PCNT: variants seen among roughly 807,000 people sequenced by gnomAD.
The protein encoded by PCNT is kendrin.
PCNT carries 319 observed loss-of-function variants against 380.4 expected under a neutral mutation model. The ratio of observed to expected loss-of-function variants is 0.84; its 90% confidence interval spans 0.77 to 0.92. PCNT has a LOEUF of 0.92. PCNT is among the 40% of genes least tolerant of loss of function. PCNT has a pLI of 0.00. For missense variants in PCNT, 4,400 were observed against 4,255.3 expected (o/e 1.03, Z -0.95); for synonymous variants, 1,845 against 1,735.2 (o/e 1.06, Z -1.57).
At position 46,381,743 on chromosome 21, in the gene PCNT, C is replaced by G; in HGVS notation, c.3215C>G (p.Thr1072Arg). 1.9e-6 allele frequency: 3 copies of G among 1,613,996 alleles called. No homozygotes were observed. The highest frequency in any genetic ancestry group is 4.5e-5 in the East Asian group (2 of 44,892). Residue 1072 changes from threonine to arginine, a missense_variant, in exon 16 of 47, where the codon ACA becomes AGA. Thr to Arg is a moderately conservative substitution (Grantham distance 71). Coordinates refer to ENST00000359568, the MANE Select transcript of PCNT (RefSeq NM_006031.6). ...KKTALHEKEE[T>R]LRLQSAQAQP... ...ACTGCTTTGCATGAAAAAGAGGAGACACTTCGGCTTCAGAGTGCACAGGCA... is the reference window on the plus strand; with the variant it reads ...ACTGCTTTGCATGAAAAAGAGGAGAGACTTCGGCTTCAGAGTGCACAGGCA...
chr21:46,385,828 A>G lies in PCNT; in HGVS notation c.3313-4A>G. Reference sequence around the variant, plus strand: ...ACGAAAGCTTTAACCATTTTTCTCGATAGCTGAAAGACCAGGTTTTATCCT... The same window carrying G: ...ACGAAAGCTTTAACCATTTTTCTCGGTAGCTGAAAGACCAGGTTTTATCCT... On this transcript the variant is annotated splice_polypyrimidine_tract_variant and splice_region_variant and intron_variant, in intron 16 of 46. Transcript: ENST00000359568. 1 of 1,614,230 alleles carries G rather than the reference A, an allele frequency of 6.2e-7. No homozygotes were observed. The highest frequency in any genetic ancestry group is 8.5e-7 in the Non-Finnish European group (1 of 1,180,032).
intron 3 of PCNT, among the ~76,000 whole-genome samples, chr21:46,338,913 T>A (rs910994142): frequency 1.3e-5 from 2 of 152,190 alleles, no homozygotes; most frequent in Non-Finnish European, 2.9e-5. Flanking sequence ...CCCGAGTACC[T>A]GGGATTACAG....
At position 46,428,391 on chromosome 21, in the gene PCNT, C is replaced by A. The variant is rs1019492273; in HGVS notation, c.7495-4C>A. The A allele has an allele frequency of 1.2e-6, 2 of 1,611,690 alleles. No homozygotes were observed. The highest frequency in any genetic ancestry group is 1.1e-5 in the South Asian group (1 of 90,796). On this transcript the variant is annotated splice_polypyrimidine_tract_variant and splice_region_variant and intron_variant, in intron 34 of 46. Coordinates refer to ENST00000359568, the MANE Select transcript of PCNT (RefSeq NM_006031.6). ...TCAGGCTGCTTGTCCCATTGTGCCC[C>A]CAGGGAGACCTGCAGGAAAAGTCCC...
At chr21:46,332,923 C>A (rs1438500215) in intron 2 of PCNT, among the ~76,000 whole-genome samples, 3 of 151,970 alleles carry the variant, frequency 2.0e-5, no homozygotes, top group Non-Finnish European at 2.9e-5. Context: ...AGCTTTGGAA[C>A]ATAATGAACA....
At chr21:46,398,315 C>A in intron 24 of PCNT, 60 bp downstream of exon 24, 1 of 1,508,196 alleles carries the variant, frequency 6.6e-7, no homozygotes, top group South Asian at 1.2e-5. Context: ...CCCCTGCGCT[C>A]GCTGGGACTG....
At chr21:46,387,020 G>A (rs1309991761) in intron 17 of PCNT, among the ~76,000 whole-genome samples, 1 of 152,204 alleles carries the variant, frequency 6.6e-6, no homozygotes, top group African/African-American at 2.4e-5. Flanking sequence ...AGGCCTCTGA[G>A]TCCTGCTGCT....
At chr21:46,439,842 C>T (rs1474820385) in intron 41 of PCNT, among the ~76,000 whole-genome samples, 2 of 152,180 alleles carry the variant, frequency 1.3e-5, no homozygotes, top group African/African-American at 4.8e-5. Flanking sequence ...ACCTTTTTTG[C>T]AATCATACTT....
At chr21:46,351,735 C>T (rs2084281267) in intron 9 of PCNT, among the ~76,000 whole-genome samples, 195 bp downstream of exon 9, 1 of 152,202 alleles carries the variant, frequency 6.6e-6, no homozygotes, top group South Asian at 2.1e-4. Flanking sequence ...TGGTTTTATG[C>T]TAAGCAAGTC....
At position 46,442,263 on chromosome 21, in the gene PCNT, T is replaced by G. The variant is rs551827924; in HGVS notation, c.9624-234T>G. On this transcript the variant is annotated intron_variant, in intron 43 of 46. Coordinates refer to ENST00000359568, the MANE Select transcript of PCNT (RefSeq NM_006031.6). ...TCCACGGTGGGGCCGCAGTGAGGCT[T>G]TGTCAGGTGGTTGGGCATGGGAAGG... 2.0e-5 allele frequency among the ~76,000 whole-genome samples: 3 copies of G among 152,120 alleles called. No individual in the cohort carries two copies. The East Asian group carries it at 5.8e-4, about 30-fold the overall frequency.
intron 3 of PCNT, among the ~76,000 whole-genome samples, chr21:46,335,622 C>A (rs2083709097): frequency 6.7e-6 from 1 of 149,884 alleles, no homozygotes; most frequent in African/African-American, 2.4e-5. Flanking sequence ...CTATTTTAGC[C>A]ATTTGATTCT....
At chr21:46,324,801 GGGCGTGGC>G in intron 1 of PCNT, 1 of 854,568 alleles carries the variant, frequency 1.2e-6, no homozygotes. Flanking sequence ...CCGGGGCCGG[GGGCGTGGC>G]GCGGGTGGCC....
At chr21:46,421,491 C>T (rs181362251) in intron 31 of PCNT, among the ~76,000 whole-genome samples, 65 of 152,308 alleles carry the variant, frequency 4.3e-4, no homozygotes, top group Admixed American at 8.5e-4. Context: ...CCCATGCCCA[C>T]CTGACACAGG....
Position 46,416,117 on chromosome 21 carries a change from G to C in PCNT, c.6199G>C (p.Val2067Leu). The C allele has an allele frequency of 6.2e-7, 1 of 1,614,152 alleles. No individual in the cohort carries two copies. Among genetic ancestry groups the C allele is most frequent in the African/African-American group, 1.3e-5 (1 of 75,030 alleles). ...EDCQLPKVDLVAQVKQLQEKL... is the reference protein window; with the variant it reads ...EDCQLPKVDLLAQVKQLQEKL... ...TTGTCAGCTGCCGAAGGTCGATCTC[G>C]TAGCTCAGGTGAAACAGCTTCAGGA... The change falls in exon 30 of 47, where the codon GTA (valine) becomes CTA (leucine). Residue 2067 changes from valine (V) to leucine (L), a missense_variant. Transcript: ENST00000359568.
chr21:46,357,176 G>A lies in PCNT; in HGVS notation c.2139G>A (p.Lys713=). The stretch of plus-strand genomic sequence containing the variant: ...AGTTGCAGCATGAAACTCGTCTGAA[G>A]GACGATTTGGAGAAGGTGAGTCGTG... ...YGKLQHETRL[K]DDLEKVKHNL... is the part of the protein sequence containing the mutation. Residue 713 remains lysine (K), a synonymous_variant, in exon 13 of 47, where the codon AAG becomes AAA. Coordinates refer to ENST00000359568, the MANE Select transcript of PCNT (RefSeq NM_006031.6). 6.2e-7 allele frequency: 1 copy of A among 1,611,190 alleles called. No homozygotes were observed. Among genetic ancestry groups the A allele is most frequent in the African/African-American group, 1.3e-5 (1 of 74,998 alleles).
intron 1 of PCNT, chr21:46,324,843 C>G (rs2083314483): frequency 1.0e-6 from 1 of 983,788 alleles, no homozygotes; most frequent in Non-Finnish European, 1.2e-6. Context: ...CAGGGTGCGC[C>G]TTCGCCTCGT....
Position 46,360,485 on chromosome 21 carries a change from A to G in PCNT, c.2155-2995A>G, listed in dbSNP as rs150187900. ...TGATCCGCCTGCCTCGGACTCCCAA[A>G]GTGCTGGGATTACAGGTGTGAGCCA... On this transcript the variant is annotated intron_variant, in intron 13 of 46. Transcript: ENST00000359568. Among the ~76,000 whole-genome samples, 1,107 of 143,006 alleles carry G rather than the reference A, an allele frequency of 7.7e-3. 6 individuals carry two copies. The highest frequency in any genetic ancestry group is 0.013 in the Non-Finnish European group (876 of 66,538). The allele number at this position is 143,006 out of a possible 152,430, so 93.8% of individuals were successfully genotyped here.
Position 46,411,329 on chromosome 21 carries a change from G to A in PCNT, c.5256G>A (p.Glu1752=), listed in dbSNP as rs745880117. 1 of 1,614,212 alleles carries A rather than the reference G, an allele frequency of 6.2e-7. No homozygotes were observed. The highest frequency in any genetic ancestry group is 2.2e-5 in the East Asian group (1 of 44,888). Residue 1752 remains glutamate (E), a synonymous_variant, in exon 28 of 47, where the codon GAG becomes GAA. Coordinates refer to ENST00000359568, the MANE Select transcript of PCNT (RefSeq NM_006031.6). ...LHEVIEKLQH[E]LSLMGPVVHE... ...AAGTCATTGAGAAGCTGCAGCACGA[G>A]CTGTCCCTCATGGGGCCTGTGGTGC...
In PCNT at chr21:46,400,960, C is replaced by T. The variant is rs953687954; in HGVS notation, c.4792-591C>T. ...CTTGGAGCGGAGTTGTCCCCCTGGCCGGCCACTGCACACATTTCAGTGACA... is the reference window on the plus strand; with the variant it reads ...CTTGGAGCGGAGTTGTCCCCCTGGCTGGCCACTGCACACATTTCAGTGACA... On this transcript the variant is annotated intron_variant, in intron 25 of 46. Transcript: ENST00000359568. 7.9e-5 allele frequency among the ~76,000 whole-genome samples: 12 copies of T among 152,298 alleles called. No individual in the cohort carries two copies. The East Asian group carries it at 1.4e-3, about 17-fold the overall frequency.
At chr21:46,355,691 C>G (rs1461894767) in intron 12 of PCNT, 65 bp downstream of exon 12, 8 of 1,531,160 alleles carry the variant, frequency 5.2e-6, no homozygotes, top group Non-Finnish European at 6.3e-6. Context: ...TCTCGGGGAG[C>G]CTGGGTGCCT....
Sources: allele counts gnomAD v4.1 joint callset (sites outside exome capture counted in the v4.1 genomes callset), GRCh38; gene constraint gnomAD v4.1.1; transcripts MANE v1.5; gene names NCBI Gene and HGNC (gene_info 2026-07-23, HGNC 2026-07-21).